ASTN2: variants seen among roughly 807,000 people sequenced by gnomAD.
ASTN2 encodes the protein astrotactin 2, also known as astrotactin-2.
ASTN2 carries 54 observed loss-of-function variants against 139.8 expected under a neutral mutation model. That is an observed-to-expected ratio of 0.39 (90% confidence interval 0.31 to 0.48). ASTN2 has a LOEUF of 0.48. Among genes scored for constraint, ASTN2 ranks in the 20% least tolerant of loss-of-function variants. The probability of loss-of-function intolerance (pLI) is 0.95; values close to 1 mark genes in which losing one functional copy is unlikely to be tolerated. For missense variants in ASTN2, 1,565 were observed against 1,725.1 expected (o/e 0.91, Z 1.64); for synonymous variants, 756 against 719.5 (o/e 1.05, Z -0.81).
intron 16 of ASTN2, among the ~76,000 whole-genome samples, chr9:116,665,634 C>G (rs1474149199): frequency 6.6e-6 from 1 of 152,254 alleles, no homozygotes; most frequent in East Asian, 1.9e-4. Flanking sequence ...AAGTATGGTA[C>G]AAGCTGAGCC....
At chr9:116,612,142 T>A (rs1326570340) in intron 19 of ASTN2, 1 of 152,124 alleles carries the variant, frequency 6.6e-6, no homozygotes, top group Non-Finnish European at 1.5e-5. Flanking sequence ...TGCAGCAGAC[T>A]AGAAATAGAA....
At chr9:117,228,265 C>A (rs1032200203) in intron 2 of ASTN2, among the ~76,000 whole-genome samples, 1 of 152,090 alleles carries the variant, frequency 6.6e-6, no homozygotes, top group Non-Finnish European at 1.5e-5. Flanking sequence ...GTAACTCAAG[C>A]AGAGTAACTT....
chr9:117,231,216 T>G (rs761187277), intron 2 of ASTN2, among the ~76,000 whole-genome samples: 2 of 152,192 alleles, frequency 1.3e-5, no homozygotes, highest in African/African-American at 2.4e-5. Flanking sequence ...CTCTGCTGAG[T>G]GATGAAAACC....
intron 2 of ASTN2, among the ~76,000 whole-genome samples, chr9:117,271,729 C>T (rs549500008): frequency 2.1e-4 from 32 of 152,308 alleles, no homozygotes; most frequent in African/African-American, 7.2e-4. Context: ...TGAAATCCAG[C>T]AGGGCAGTCA....
At chr9:116,552,917 T>C (rs952078544) in intron 19 of ASTN2, among the ~76,000 whole-genome samples, 2 of 152,128 alleles carry the variant, frequency 1.3e-5, no homozygotes, top group Non-Finnish European at 2.9e-5. Context: ...CATTAAATTA[T>C]TAGTGTGATG....
intron 2 of ASTN2, among the ~76,000 whole-genome samples, chr9:117,232,171 C>T (rs966369404): frequency 4.6e-5 from 7 of 152,104 alleles, no homozygotes; most frequent in Non-Finnish European, 8.8e-5. Context: ...TTTACTCATC[C>T]GTTTAATGGG....
At chr9:117,067,106 C>A (rs565331854) in intron 5 of ASTN2, among the ~76,000 whole-genome samples, 712 of 64,484 alleles carry the variant, frequency 0.011, 7 homozygotes, top group African/African-American at 0.037. Flanking sequence ...AATGGTAATG[C>A]CTAGGTTTTC....
chr9:116,576,130 C>T (rs1853713886), intron 19 of ASTN2, among the ~76,000 whole-genome samples: 1 of 152,154 alleles, frequency 6.6e-6, no homozygotes. Flanking sequence ...ACAGGGAATT[C>T]ATCCTATATC....
At chr9:116,914,411 T>G (rs934861547) in intron 10 of ASTN2, among the ~76,000 whole-genome samples, 1 of 152,122 alleles carries the variant, frequency 6.6e-6, no homozygotes, top group Admixed American at 6.6e-5. Flanking sequence ...CTGAGTCTTT[T>G]GGTCATGTAA....
intron 3 of ASTN2, among the ~76,000 whole-genome samples, chr9:117,170,392 T>C (rs1423257550): frequency 6.6e-6 from 1 of 152,124 alleles, no homozygotes; most frequent in Non-Finnish European, 1.5e-5. Flanking sequence ...TTAATATTGA[T>C]TGAGCACCTG....
chr9:117,275,225 A>G (rs1834157665), intron 2 of ASTN2, among the ~76,000 whole-genome samples: 1 of 152,100 alleles, frequency 6.6e-6, no homozygotes, highest in South Asian at 2.1e-4. Flanking sequence ...TCCAACATGC[A>G]CTTCAAAACT....
chr9:117,394,011 C>T (rs1830610965), intron 1 of ASTN2, among the ~76,000 whole-genome samples: 1 of 152,166 alleles, frequency 6.6e-6, no homozygotes, highest in Non-Finnish European at 1.5e-5. Flanking sequence ...CGAATGCAAG[C>T]TTATGATGCA....
At chr9:117,084,341 C>T (rs1430640127) in intron 5 of ASTN2, among the ~76,000 whole-genome samples, 1 of 152,126 alleles carries the variant, frequency 6.6e-6, no homozygotes, top group Non-Finnish European at 1.5e-5. Context: ...GGAAGGAGTC[C>T]ACTCCCACAA....
At chr9:116,815,934 C>CA (rs1040295738) in intron 12 of ASTN2, among the ~76,000 whole-genome samples, 5 of 140,964 alleles carry the variant, frequency 3.5e-5, no homozygotes, top group Non-Finnish European at 6.2e-5. Flanking sequence ...CAAAACAAAA[C>CA]AAAAAAACTA....
chr9:116,729,119 C>A, intron 14 of ASTN2, 23 bp from the exon 15 acceptor site: 1 of 1,535,280 alleles, frequency 6.5e-7, no homozygotes, highest in South Asian at 1.2e-5. Flanking sequence ...ATAAGATGGT[C>A]ACGTGAGCCC....
chr9:117,374,184 G>C (rs961080310), intron 1 of ASTN2, among the ~76,000 whole-genome samples: 15 of 152,016 alleles, frequency 9.9e-5, no homozygotes, highest in Non-Finnish European at 5.9e-5. Flanking sequence ...CAGGGCTTAG[G>C]ATGGGGAAGC....
chr9:116,517,692 G>A (rs1310343156), intron 19 of ASTN2, among the ~76,000 whole-genome samples: 1 of 152,190 alleles, frequency 6.6e-6, no homozygotes, highest in Non-Finnish European at 1.5e-5. Flanking sequence ...TCAGAGGGCT[G>A]ATTATTATGC....
At chr9:117,058,661 C>G (rs1839140254) in intron 5 of ASTN2, among the ~76,000 whole-genome samples, 1 of 152,288 alleles carries the variant, frequency 6.6e-6, no homozygotes, top group South Asian at 2.1e-4. Context: ...TGGAGACTTC[C>G]AGATGTAACA....
At chr9:117,228,913 G>A (rs768442332) in intron 2 of ASTN2, among the ~76,000 whole-genome samples, 1 of 152,086 alleles carries the variant, frequency 6.6e-6, no homozygotes, top group African/African-American at 2.4e-5. Flanking sequence ...GCTGAGGCAG[G>A]AGGATCCTTG....
Sources: allele counts gnomAD v4.1 joint callset (sites outside exome capture counted in the v4.1 genomes callset), GRCh38; gene constraint gnomAD v4.1.1; transcripts MANE v1.5; gene names NCBI Gene and HGNC (gene_info 2026-07-23, HGNC 2026-07-21).